The following SYNE2 variants were observed in gnomAD, a reference collection of about 807,000 sequenced individuals.
SYNE2 encodes the protein nesprin-2.
In SYNE2, 431 loss-of-function variants were observed where a neutral mutation model predicts 856.3. The observed-to-expected ratio is 0.50, with a 90% CI of 0.47 to 0.55. The LOEUF (loss-of-function observed/expected upper bound fraction) is 0.55, where lower values mean the gene tolerates loss of function less well. SYNE2 is among the 20% of genes least tolerant of loss of function. The pLI, the probability that SYNE2 is intolerant of heterozygous loss-of-function variation, is 0.00. For missense variants in SYNE2, 8,129 were observed against 8,023.2 expected (o/e 1.01, Z -0.50); for synonymous variants, 2,923 against 2,872.3 (o/e 1.02, Z -0.56).
Position 64,010,033 on chromosome 14 carries a change from A to G in SYNE2, c.4645A>G (p.Thr1549Ala), listed in dbSNP as rs1337326903. The G allele has an allele frequency of 3.7e-6, 6 of 1,613,932 alleles. No individual in the cohort carries two copies. In the Admixed American group the frequency reaches 1.0e-4, roughly 27 times the overall value. The stretch of plus-strand genomic sequence containing the variant: ...TCAGAATTTTAAAAGCATCTTGACA[A>G]CTTTGATTCAAAAAGAAGAGAGTGT... ...QYQNFKSILT[T>A]LIQKEESVIS... is the part of the protein sequence containing the mutation. The change falls in exon 32 of 116, where the codon ACT becomes GCT. Residue 1549 changes from threonine (T) to alanine (A), a missense_variant. Thr to Ala is a moderately conservative substitution (Grantham distance 58). Around this residue, in one of 3 missense-constraint regions of SYNE2, gnomAD observed 2,422 missense variants for 2,357.4 expected, o/e 1.03. Transcript: ENST00000555002.
chr14:64,036,784 G>A (rs1249401664), intron 45 of SYNE2, among the ~76,000 whole-genome samples: 2 of 152,012 alleles, frequency 1.3e-5, no homozygotes, highest in Admixed American at 6.6e-5. Context: ...TTCTTATTCT[G>A]GTTTACATTC....
intron 35 of SYNE2, among the ~76,000 whole-genome samples, chr14:64,020,777 T>C (rs1395784616): frequency 6.6e-6 from 1 of 152,236 alleles, no homozygotes; most frequent in Non-Finnish European, 1.5e-5. Context: ...GATTTGTTTT[T>C]GTTTTTCTTA....
At chr14:63,970,651 C>CTTTTTTTTTTTT (rs61126600) in intron 11 of SYNE2, among the ~76,000 whole-genome samples, 584 of 98,830 alleles carry the variant, frequency 5.9e-3, no homozygotes, top group Non-Finnish European at 7.5e-3. Context: ...TTTCTTTTTT[C>CTTTTTTTTTTTT]TTTTTTTTTT....
chr14:63,986,437 G>A lies in SYNE2; in HGVS notation c.2152-19G>A, dbSNP rs762782912. On this transcript the variant is annotated intron_variant, in intron 18 of 115. Transcript: ENST00000555002. Reference sequence around the variant, plus strand: ...TGTACATGCTGACATTTTCTCAGTGGTACTTTTGAATGTTGTAGGCTGGAG... The same window carrying A: ...TGTACATGCTGACATTTTCTCAGTGATACTTTTGAATGTTGTAGGCTGGAG... 2.5e-6 allele frequency: 4 copies of A among 1,613,598 alleles called. No individual in the cohort carries two copies. Among genetic ancestry groups the A allele is most frequent in the Non-Finnish European group, 3.4e-6 (4 of 1,179,670 alleles).
At chr14:64,071,353 G>T (rs889826926) in intron 52 of SYNE2, among the ~76,000 whole-genome samples, 2 of 152,036 alleles carry the variant, frequency 1.3e-5, no homozygotes, top group Admixed American at 6.5e-5. Flanking sequence ...AATCAGCCGG[G>T]TGTGGTGGCA....
chr14:63,825,550 A>T (rs1220137815), intron 1 of SYNE2, among the ~76,000 whole-genome samples: 1 of 152,152 alleles, frequency 6.6e-6, no homozygotes, highest in Non-Finnish European at 1.5e-5. Flanking sequence ...GAAGTGCAAG[A>T]CTTATTCAAT....
At chr14:64,020,176 G>T in intron 35 of SYNE2, 83 bp downstream of exon 35, 8 of 942,670 alleles carry the variant, frequency 8.5e-6, no homozygotes, top group African/African-American at 1.7e-5. Context: ...CTGGGCGACA[G>T]AGCAAAACCC....
rs1378623200 is a variant in SYNE2 at position 64,212,907 on chromosome 14, G to A, written c.18958G>A (p.Val6320Met). The change falls in exon 105 of 116, where the codon GTG (valine) becomes ATG (methionine). Residue 6320 changes from valine to methionine, a missense_variant. Val to Met is a conservative substitution (Grantham distance 21, BLOSUM62 1). This residue lies in a region of SYNE2 where 5,410 missense variants were observed against 5,284.8 expected (regional missense o/e 1.02). Transcript: ENST00000555002. ...TCAGAAGAGCGAGCCCCTGGATGCT[G>A]TGCTGATTGAGGATGAGCTGGAGGA... ...LIQKSEPLDA[V>M]LIEDELEELH... is the part of the protein sequence containing the mutation. 1 of 1,614,092 alleles carries A rather than the reference G, an allele frequency of 6.2e-7. No homozygotes were observed. The highest frequency in any genetic ancestry group is 1.3e-5 in the African/African-American group (1 of 74,936).
chr14:64,007,614 C>A (rs923859184), intron 31 of SYNE2, among the ~76,000 whole-genome samples: 1 of 152,178 alleles, frequency 6.6e-6, no homozygotes, highest in African/African-American at 2.4e-5. Context: ...AGGTGGCTCA[C>A]ACCTGTAATC....
At chr14:63,812,911 A>G (rs1204751394) in intron 1 of SYNE2, among the ~76,000 whole-genome samples, 1 of 152,188 alleles carries the variant, frequency 6.6e-6, no homozygotes, top group African/African-American at 2.4e-5. Flanking sequence ...AAAAAAATTA[A>G]AAAAAGAAAA....
At chr14:63,887,637 T>C (rs1352753853) in intron 1 of SYNE2, among the ~76,000 whole-genome samples, 1 of 152,158 alleles carries the variant, frequency 6.6e-6, no homozygotes, top group Admixed American at 6.5e-5. Flanking sequence ...ATGTAACTTC[T>C]AGAGCAGCAA....
chr14:63,924,939 A>G (rs549814354), intron 2 of SYNE2, among the ~76,000 whole-genome samples: 31 of 148,206 alleles, frequency 2.1e-4, no homozygotes, highest in Admixed American at 1.7e-3. Flanking sequence ...TTAGAGAGAA[A>G]GCATTTAGTT....
intron 31 of SYNE2, among the ~76,000 whole-genome samples, chr14:64,007,566 T>C (rs1194691588): frequency 1.3e-5 from 2 of 152,202 alleles, no homozygotes; most frequent in Admixed American, 1.3e-4. Context: ...TATTACCTTA[T>C]GCTTCTGGAG....
chr14:63,952,340 C>T (rs1445666577), intron 7 of SYNE2, among the ~76,000 whole-genome samples: 1 of 152,184 alleles, frequency 6.6e-6, no homozygotes, highest in Non-Finnish European at 1.5e-5. Context: ...CAGCCGCCAT[C>T]CTTTAGTTAT....
intron 57 of SYNE2, 111 bp downstream of exon 57, chr14:64,081,691 C>A: frequency 8.0e-7 from 1 of 1,242,902 alleles, no homozygotes; most frequent in Non-Finnish European, 1.2e-6. Flanking sequence ...AACCTTACCG[C>A]TAACCATGTC....
intron 1 of SYNE2, among the ~76,000 whole-genome samples, chr14:63,814,928 A>G (rs895610623): frequency 8.4e-6 from 1 of 119,386 alleles, no homozygotes; most frequent in Non-Finnish European, 1.8e-5. Flanking sequence ...ATCTATCCAT[A>G]TATCTATCCA....
At chr14:63,942,770 C>T (rs756713975) in intron 6 of SYNE2, among the ~76,000 whole-genome samples, 1 of 152,134 alleles carries the variant, frequency 6.6e-6, no homozygotes, top group Non-Finnish European at 1.5e-5. Context: ...GCTGAGATTA[C>T]AGGTGTGAGC....
At chr14:64,063,357 A>G (rs546652196) in intron 50 of SYNE2, among the ~76,000 whole-genome samples, 16 of 152,194 alleles carry the variant, frequency 1.1e-4, no homozygotes, top group Non-Finnish European at 2.2e-4. Context: ...CTTATGTAAT[A>G]TATTGAAGCT....
At chr14:63,765,355 T>C (rs1886631699) in intron 1 of SYNE2, among the ~76,000 whole-genome samples, 1 of 151,950 alleles carries the variant, frequency 6.6e-6, no homozygotes, top group African/African-American at 2.4e-5. Context: ...TAGACTTGTT[T>C]TTTGTTTTTT....
Sources: allele counts gnomAD v4.1 joint callset (sites outside exome capture counted in the v4.1 genomes callset), GRCh38; gene constraint gnomAD v4.1.1; regional missense constraint gnomAD v4.1.1; transcripts MANE v1.5; gene names NCBI Gene and HGNC (gene_info 2026-07-23, HGNC 2026-07-21).